Variants in ITGAX observed in about 807,000 individuals in gnomAD.
ITGAX encodes the protein integrin alpha-X.
ITGAX carries 99 observed loss-of-function variants against 140.2 expected under a neutral mutation model. That is an observed-to-expected ratio of 0.71 (90% confidence interval 0.60 to 0.83). The LOEUF is 0.83. ITGAX is among the 40% of genes least tolerant of loss of function. The pLI is 0.00. For synonymous variants in ITGAX, 631 were observed against 600.4 expected (o/e 1.05, Z -0.75); for missense variants, 1,444 against 1,482.0 (o/e 0.97, Z 0.42).
chr16:31,359,775 C>T lies in ITGAX; in HGVS notation c.506C>T (p.Thr169Met), dbSNP rs146081281. 30 of 1,613,982 alleles carry T rather than the reference C, an allele frequency of 1.9e-5. No individual in the cohort carries two copies. Among genetic ancestry groups the T allele is most frequent in the South Asian group, 1.4e-4 (13 of 91,076 alleles). ...SGSISSRNFA[T>M]MMNFVRAVIS... The stretch of plus-strand genomic sequence containing the variant: ...AGCATCTCCTCCCGCAACTTTGCCA[C>T]GATGATGAACTTCGTGAGAGCTGTG... The change falls in exon 6 of 30, where the codon ACG (threonine) becomes ATG (methionine). Residue 169 changes from threonine (T) to methionine (M), a missense_variant. Thr to Met is a moderately conservative substitution (Grantham distance 81). Transcript: ENST00000268296.
At chr16:31,374,653 A>G (rs1396963454) in intron 20 of ITGAX, among the ~76,000 whole-genome samples, 4 of 152,050 alleles carry the variant, frequency 2.6e-5, no homozygotes, top group Non-Finnish European at 5.9e-5. Flanking sequence ...TGCTGCCCAA[A>G]CTGGTCTCTA....
intron 23 of ITGAX, among the ~76,000 whole-genome samples, chr16:31,379,309 G>A (rs1199638226): frequency 1.3e-5 from 2 of 151,924 alleles, no homozygotes; most frequent in Non-Finnish European, 2.9e-5. Flanking sequence ...TAGAGACAGG[G>A]TTTCACCATG....
chr16:31,372,169 G>GA (rs1555477547), intron 17 of ITGAX, among the ~76,000 whole-genome samples: 3 of 150,704 alleles, frequency 2.0e-5, no homozygotes, highest in African/African-American at 7.4e-5. Context: ...GAGGTCTGGG[G>GA]GGGGGGAGGA....
At chr16:31,371,538 G>A (rs1172229782) in intron 16 of ITGAX, 41 bp downstream of exon 16, 2 of 1,610,644 alleles carry the variant, frequency 1.2e-6, no homozygotes. Context: ...CCTGACCTCT[G>A]GAGTCCCCCA....
chr16:31,361,668 G>A, intron 9 of ITGAX, 168 bp from the exon 10 acceptor site: 2 of 807,398 alleles, frequency 2.5e-6, no homozygotes, highest in South Asian at 1.5e-5. Context: ...ATGGAGCAGA[G>A]GGGGGCCCCG....
intron 14 of ITGAX, among the ~76,000 whole-genome samples, chr16:31,369,285 G>A (rs77643102): frequency 6.9e-4 from 89 of 128,610 alleles, no homozygotes; most frequent in Non-Finnish European, 8.4e-4. Context: ...CGGGCGGGGG[G>A]CTGACCCCCC....
At chr16:31,368,314 G>C (rs1239442774) in intron 14 of ITGAX, among the ~76,000 whole-genome samples, 4 of 151,456 alleles carry the variant, frequency 2.6e-5, no homozygotes, top group African/African-American at 9.7e-5. Context: ...GCCTACATAG[G>C]GAAACCTCTC....
chr16:31,359,763 G>T lies in ITGAX; in HGVS notation c.494G>T (p.Arg165Leu), dbSNP rs748559101. ...LIDGSGSISS[R>L]NFATMMNFVR... is the part of the protein sequence containing the mutation. ...GATGGCTCAGGCAGCATCTCCTCCCGCAACTTTGCCACGATGATGAACTTC... is the reference window on the plus strand; with the variant it reads ...GATGGCTCAGGCAGCATCTCCTCCCTCAACTTTGCCACGATGATGAACTTC... Residue 165 changes from arginine to leucine, a missense_variant, in exon 6 of 30, where the codon CGC becomes CTC. By Grantham distance (102) the Arg-to-Leu change is moderately radical. Transcript: ENST00000268296. 6.2e-7 allele frequency: 1 copy of T among 1,614,138 alleles called. No individual in the cohort carries two copies. The highest frequency in any genetic ancestry group is 1.1e-5 in the South Asian group (1 of 91,086).
Position 31,382,414 on chromosome 16 carries a change from T to C in ITGAX, c.*507T>C. 1 of 1,534,524 alleles carries C rather than the reference T, an allele frequency of 6.5e-7. No individual in the cohort carries two copies. Among genetic ancestry groups the C allele is most frequent in the Admixed American group, 2.0e-5 (1 of 50,970 alleles). On this transcript the variant is annotated 3_prime_UTR_variant, in exon 30 of 30. Transcript: ENST00000268296. ...GCACACGCCACCTCGCCCGGCCCGA[T>C]CTTTCTAAAATACAGTTCTGAATAT...
At chr16:31,361,768 TG>T in intron 9 of ITGAX, 67 bp from the exon 10 acceptor site, 2 of 1,496,954 alleles carry the variant, frequency 1.3e-6, no homozygotes, top group Non-Finnish European at 1.9e-6. Flanking sequence ...CTCCTAAAGC[TG>T]AAGTGTTCTT....
At chr16:31,374,274 G>C (rs1007729762) in intron 20 of ITGAX, among the ~76,000 whole-genome samples, 2 of 142,452 alleles carry the variant, frequency 1.4e-5, no homozygotes, top group African/African-American at 2.7e-5. Flanking sequence ...GCACAACAGA[G>C]CAAGACTCTG....
chr16:31,378,462 T>C (rs2081039350), intron 23 of ITGAX, among the ~76,000 whole-genome samples: 1 of 150,726 alleles, frequency 6.6e-6, no homozygotes, highest in Non-Finnish European at 1.5e-5. Flanking sequence ...CTATGAGCTC[T>C]TTGCCTCATT....
chr16:31,372,798 C>T, intron 19 of ITGAX, 128 bp downstream of exon 19: 1 of 900,768 alleles, frequency 1.1e-6, no homozygotes, highest in Non-Finnish European at 1.7e-6. Context: ...TGGCTGGGCA[C>T]AGTGGCTCAC....
intron 20 of ITGAX, among the ~76,000 whole-genome samples, chr16:31,376,006 T>C (rs938551875): frequency 1.3e-5 from 2 of 152,262 alleles, no homozygotes; most frequent in Non-Finnish European, 2.9e-5. Context: ...TTGTTGGTTC[T>C]TGTGGTTACA....
At chr16:31,366,788 T>C (rs759113216) in intron 14 of ITGAX, among the ~76,000 whole-genome samples, 2 of 152,232 alleles carry the variant, frequency 1.3e-5, no homozygotes, top group Non-Finnish European at 2.9e-5. Flanking sequence ...AGCACTGGGA[T>C]TACAGACGTG....
chr16:31,379,040 T>C lies in ITGAX; in HGVS notation c.2790-528T>C, dbSNP rs2081044630. Reference sequence around the variant, plus strand: ...CATGTTGGCCAGGCTGGTCTTGAACTCCCGACCTCAGGTGATCTGCCTGTC... The same window carrying C: ...CATGTTGGCCAGGCTGGTCTTGAACCCCCGACCTCAGGTGATCTGCCTGTC... On this transcript the variant is annotated intron_variant, in intron 23 of 29. Coordinates refer to ENST00000268296, the MANE Select transcript of ITGAX (RefSeq NM_000887.5). Among the ~76,000 whole-genome samples the C allele has an allele frequency of 2.0e-5, 3 of 152,150 alleles. No individual in the cohort carries two copies. In the South Asian group the frequency reaches 6.2e-4, roughly 32 times the overall value.
chr16:31,362,293 G>A, intron 11 of ITGAX, 89 bp downstream of exon 11: 1 of 1,549,114 alleles, frequency 6.5e-7, no homozygotes, highest in Non-Finnish European at 8.8e-7. Flanking sequence ...TGGGGGCTGT[G>A]CTGCCCAGGG....
In ITGAX at chr16:31,380,898, C is replaced by A. The variant is rs150054422; in HGVS notation, c.3278C>A (p.Thr1093Lys). Reference sequence around the variant, plus strand: ...CTGACAGGGTCACTTCCACTTCAGACGACAACGGTGCTGGAGAAGTACAAG... The same window carrying A: ...CTGACAGGGTCACTTCCACTTCAGAAGACAACGGTGCTGGAGAAGTACAAG... ...PGQEAFMRAQ[T>K]TTVLEKYKVH... Residue 1093 changes from threonine to lysine, a missense_variant and splice_region_variant, in exon 29 of 30, where the codon ACG (threonine) becomes AAG (lysine). Thr to Lys is a moderately conservative substitution (Grantham distance 78, BLOSUM62 -1). Coordinates refer to ENST00000268296, the MANE Select transcript of ITGAX (RefSeq NM_000887.5). The A allele has an allele frequency of 2.3e-5, 37 of 1,613,590 alleles. No homozygotes were observed. The highest frequency in any genetic ancestry group is 5.0e-5 in the Admixed American group (3 of 59,978).
At chr16:31,373,768 A>T (rs2080995230) in intron 20 of ITGAX, among the ~76,000 whole-genome samples, 1 of 152,200 alleles carries the variant, frequency 6.6e-6, no homozygotes, top group Non-Finnish European at 1.5e-5. Flanking sequence ...AAAGGGCTAG[A>T]TAGTAAATAT....
Sources: gnomAD v4.1 joint callset for allele counts (sites outside exome capture counted in the v4.1 genomes callset) on GRCh38, gnomAD v4.1.1 for gene constraint, MANE v1.5 for transcripts, NCBI Gene and HGNC (gene_info 2026-07-23, HGNC 2026-07-21) for gene names.